CDH12: variants seen among roughly 807,000 people sequenced by gnomAD.
CDH12 encodes the protein cadherin 12, also known as cadherin-12.
In CDH12, 41 loss-of-function variants were observed where a neutral mutation model predicts 74.1. The ratio of observed to expected loss-of-function variants is 0.55; its 90% CI spans 0.43 to 0.72. The LOEUF (loss-of-function observed/expected upper bound fraction) is 0.72, where lower values mean the gene tolerates loss of function less well. Ranked by LOEUF, CDH12 falls within the 30% of genes least tolerant of loss-of-function variation. The pLI, the probability that CDH12 is intolerant of heterozygous loss-of-function variation, is 0.00. For missense variants in CDH12, 945 were observed against 977.2 expected, an observed-to-expected ratio of 0.97 and a Z score of 0.44; for synonymous variants, 399 against 355.0, an observed-to-expected ratio of 1.12 and a Z score of -1.39.
At chr5:22,309,046 G>C (rs1209653934) in intron 3 of CDH12, among the ~76,000 whole-genome samples, 1 of 152,064 alleles carries the variant, frequency 6.6e-6, no homozygotes. Flanking sequence ...TATGCAACAA[G>C]ACAGAACCAT....
At chr5:22,562,421 G>T (rs942973481) in intron 1 of CDH12, among the ~76,000 whole-genome samples, 2 of 152,054 alleles carry the variant, frequency 1.3e-5, no homozygotes, top group African/African-American at 4.8e-5. Flanking sequence ...TGAAATTGGC[G>T]TGGGCAATCG....
At chr5:22,523,462 T>A (rs1434692704) in intron 1 of CDH12, among the ~76,000 whole-genome samples, 2 of 152,212 alleles carry the variant, frequency 1.3e-5, no homozygotes, top group Non-Finnish European at 2.9e-5. Flanking sequence ...TACAACTGTC[T>A]GAAGCTCACA....
chr5:22,718,530 G>T (rs1380450751), intron 1 of CDH12, among the ~76,000 whole-genome samples: 3 of 152,144 alleles, frequency 2.0e-5, no homozygotes, highest in Non-Finnish European at 4.4e-5. Flanking sequence ...AAATTTCTGG[G>T]CCACTGGGTA....
chr5:21,754,796 AG>A (rs1744293385), intron 14 of CDH12, among the ~76,000 whole-genome samples: 1 of 152,198 alleles, frequency 6.6e-6, no homozygotes, highest in Non-Finnish European at 1.5e-5. Flanking sequence ...TTGATTTTAA[AG>A]GAATGAGGCA....
At chr5:21,865,862 T>C (rs1348988315) in intron 6 of CDH12, among the ~76,000 whole-genome samples, 3 of 152,154 alleles carry the variant, frequency 2.0e-5, no homozygotes, top group Non-Finnish European at 4.4e-5. Flanking sequence ...AATGAGGCCA[T>C]GTGATATGGT....
intron 1 of CDH12, among the ~76,000 whole-genome samples, chr5:22,564,795 C>G (rs1251446738): frequency 6.6e-6 from 1 of 152,070 alleles, no homozygotes; most frequent in African/African-American, 2.4e-5. Context: ...ATTTATTCAT[C>G]TCTTCTTTTA....
chr5:22,390,845 T>C (rs976979468), intron 3 of CDH12, among the ~76,000 whole-genome samples: 1 of 152,174 alleles, frequency 6.6e-6, no homozygotes, highest in Non-Finnish European at 1.5e-5. Flanking sequence ...AACATAAGTA[T>C]GTCCAATGCC....
chr5:22,549,038 C>G (rs1414351139), intron 1 of CDH12, among the ~76,000 whole-genome samples: 1 of 152,146 alleles, frequency 6.6e-6, no homozygotes, highest in Non-Finnish European at 1.5e-5. Flanking sequence ...CTCCCGGCCT[C>G]AAGGGATCCT....
rs1372207563 is a variant in CDH12 at position 22,078,630 on chromosome 5, T to A, written c.47A>T (p.Asp16Val). 2 of 1,613,734 alleles carry A rather than the reference T, an allele frequency of 1.2e-6. No individual in the cohort carries two copies. Among genetic ancestry groups the A allele is most frequent in the African/African-American group, 2.7e-5 (2 of 74,898 alleles). ...CLSLLLWVLF[D>V]GGLLTPLQPQ... ...TTGTAGTGGTGTTAGGAGACCTCCA[T>A]CAAACAGAACCCAGAGAAGCAGGGA... The change falls in exon 5 of 15, where the codon GAT becomes GTT. Residue 16 changes from aspartate to valine, a missense_variant. Asp to Val is a radical substitution (Grantham distance 152). This residue lies in a region of CDH12 where 148 missense variants were observed against 162.8 expected (regional missense o/e 0.91). Coordinates refer to ENST00000382254, the MANE Select transcript of CDH12 (RefSeq NM_004061.5).
At chr5:22,658,909 A>G (rs1459802801) in intron 1 of CDH12, among the ~76,000 whole-genome samples, 1 of 152,118 alleles carries the variant, frequency 6.6e-6, no homozygotes, top group Non-Finnish European at 1.5e-5. Flanking sequence ...GCAAAGGCTT[A>G]TAGGGGGGGA....
intron 2 of CDH12, among the ~76,000 whole-genome samples, chr5:22,455,815 G>A (rs76554192): frequency 6.6e-6 from 1 of 152,236 alleles, no homozygotes; most frequent in Non-Finnish European, 1.5e-5. Context: ...CAGGAAGAAA[G>A]CTAGGGATGT....
At chr5:22,345,033 C>T (rs936677690) in intron 3 of CDH12, among the ~76,000 whole-genome samples, 7 of 152,270 alleles carry the variant, frequency 4.6e-5, no homozygotes, top group Middle Eastern at 3.4e-3. Context: ...CGTGTTCTGA[C>T]GAACTTTGAT....
intron 8 of CDH12, among the ~76,000 whole-genome samples, chr5:21,829,384 T>C (rs1279147701): frequency 6.6e-6 from 1 of 152,224 alleles, no homozygotes; most frequent in Non-Finnish European, 1.5e-5. Context: ...AAATTAAAAT[T>C]GTATCTTCTT....
intron 3 of CDH12, among the ~76,000 whole-genome samples, chr5:22,278,608 G>A (rs530857360): frequency 3.3e-5 from 5 of 151,548 alleles, no homozygotes; most frequent in East Asian, 3.9e-4. Context: ...CTAAATATCC[G>A]CTTATGTAGA....
intron 3 of CDH12, among the ~76,000 whole-genome samples, chr5:22,336,285 A>G (rs934473842): frequency 2.0e-5 from 3 of 152,226 alleles, no homozygotes; most frequent in African/African-American, 7.2e-5. Flanking sequence ...ATTTTCAGCC[A>G]GACAATGTGA....
At chr5:21,887,489 A>G (rs1293997335) in intron 6 of CDH12, among the ~76,000 whole-genome samples, 2 of 152,192 alleles carry the variant, frequency 1.3e-5, no homozygotes, top group Non-Finnish European at 2.9e-5. Flanking sequence ...CATAGTTAAA[A>G]TCTGGCTGCC....
intron 3 of CDH12, among the ~76,000 whole-genome samples, chr5:22,273,247 A>G (rs1292473541): frequency 6.6e-6 from 1 of 152,170 alleles, no homozygotes; most frequent in Non-Finnish European, 1.5e-5. Flanking sequence ...AACAGATATA[A>G]TAATAATGAA....
intron 1 of CDH12, among the ~76,000 whole-genome samples, chr5:22,699,626 C>T (rs955802160): frequency 6.6e-6 from 1 of 152,098 alleles, no homozygotes; most frequent in Admixed American, 6.6e-5. Context: ...TTCCGAGATA[C>T]ACAAATATCA....
chr5:22,271,027 A>C (rs1320307741), intron 3 of CDH12, among the ~76,000 whole-genome samples: 3 of 152,060 alleles, frequency 2.0e-5, no homozygotes, highest in African/African-American at 4.8e-5. Flanking sequence ...ACTTGGAAAA[A>C]ATATTTTTAT....
Sources: gnomAD v4.1 joint callset for allele counts (sites outside exome capture counted in the v4.1 genomes callset) on GRCh38, gnomAD v4.1.1 for gene constraint, gnomAD v4.1.1 regional missense constraint, MANE v1.5 for transcripts, NCBI Gene and HGNC (gene_info 2026-07-23, HGNC 2026-07-21) for gene names.